The following MFSD1 variants were observed in gnomAD, a reference collection of about 807,000 sequenced individuals.
MFSD1 encodes lysosomal dipeptide transporter MFSD1.
Under a neutral mutation model 67.1 loss-of-function variants are expected in MFSD1, and 59 were observed. The observed-to-expected ratio is 0.88, with a 90% CI of 0.71 to 1.09. The LOEUF (loss-of-function observed/expected upper bound fraction) is 1.09, where lower values mean the gene tolerates loss of function less well. Ranked by LOEUF, MFSD1 falls within the 50% of genes least tolerant of loss-of-function variation. The pLI, the probability that MFSD1 is intolerant of heterozygous loss-of-function variation, is 0.00. For missense variants in MFSD1, 552 were observed against 566.1 expected, an observed-to-expected ratio of 0.97 and a Z score of 0.25; for synonymous variants, 213 against 200.3, an observed-to-expected ratio of 1.06 and a Z score of -0.54.
Position 158,829,052 on chromosome 3 carries a change from A to G in MFSD1, c.*70A>G. 6.8e-7 allele frequency: 1 copy of G among 1,469,124 alleles called. No individual in the cohort carries two copies. The highest frequency in any genetic ancestry group is 1.3e-5 in the South Asian group (1 of 75,844). 91.0% of individuals were successfully genotyped at this position (1,469,124 alleles called of 1,614,324 possible). ...TGGTTTGAAAACTTCCATTTTTAAA[A>G]ATTTAGAGTTTAGTCATTAGAAAAA... On this transcript the variant is annotated 3_prime_UTR_variant, in exon 16 of 16. Coordinates refer to ENST00000415822, the MANE Select transcript of MFSD1 (RefSeq NM_022736.4).
intron 7 of MFSD1, among the ~76,000 whole-genome samples, chr3:158,815,468 T>G (rs1421397319): frequency 6.6e-6 from 1 of 151,684 alleles, no homozygotes; most frequent in Non-Finnish European, 1.5e-5. Context: ...CATATAGAAT[T>G]GTATCTTTCT....
At position 158,818,512 on chromosome 3, in the gene MFSD1, A is replaced by G. The variant is rs143747506; in HGVS notation, c.653-1137A>G. Among the ~76,000 whole-genome samples the G allele has an allele frequency of 4.6e-3, 693 of 152,016 alleles. 4 individuals carry two copies. Among genetic ancestry groups the G allele is most frequent in the Non-Finnish European group, 5.2e-3 (351 of 67,978 alleles). On this transcript the variant is annotated intron_variant, in intron 7 of 15. Transcript: ENST00000415822. ...ATGTCTACCTGTCTTCCTTTCTCCA[A>G]TCTCCTCCCCAGTCTCTAATTAAAC...
At chr3:158,807,773 A>G (rs1729801318) in intron 5 of MFSD1, among the ~76,000 whole-genome samples, 1 of 152,250 alleles carries the variant, frequency 6.6e-6, no homozygotes, top group Non-Finnish European at 1.5e-5. Context: ...AGAAAAGTAT[A>G]GACCATCGAT....
Position 158,807,473 on chromosome 3 carries a change from G to A in MFSD1, c.440+10G>A. The A allele has an allele frequency of 1.3e-6, 2 of 1,590,254 alleles. No homozygotes were observed. The highest frequency in any genetic ancestry group is 1.7e-6 in the Non-Finnish European group (2 of 1,159,036). The stretch of plus-strand genomic sequence containing the variant: ...GAAGATTTGTATTTGGGTAAGTTAT[G>A]CATAATTTAATTTATCCTAATGTAT... On this transcript the variant is annotated intron_variant, in intron 5 of 15. Transcript: ENST00000415822.
chr3:158,814,000 G>A lies in MFSD1; in HGVS notation c.585G>A (p.Leu195=), dbSNP rs1347104192. The A allele has an allele frequency of 6.2e-7, 1 of 1,613,432 alleles. No homozygotes were observed. Among genetic ancestry groups the A allele is most frequent in the African/African-American group, 1.3e-5 (1 of 74,840 alleles). Residue 195 remains leucine, a synonymous_variant, in exon 7 of 16, where the codon CTG becomes CTA. Transcript: ENST00000415822. ...TAAACATGAACCTCATGGGATGGCT[G>A]TATTCTAAGATTGAAGCTTTGTTAG... ...STVNMNLMGW[L]YSKIEALLGS...
chr3:158,811,328 G>A (rs12493280), intron 6 of MFSD1, among the ~76,000 whole-genome samples: 49,912 of 152,060 alleles, frequency 0.33, 8,262 homozygotes, highest in Middle Eastern at 0.41. Context: ...GGTTTTGGTC[G>A]TGTTAGGTTA....
At chr3:158,802,706 T>C (rs1729520504) in intron 1 of MFSD1, 2 of 394,582 alleles carry the variant, frequency 5.1e-6, no homozygotes, top group Non-Finnish European at 9.9e-6. Flanking sequence ...CTTTTGTTTG[T>C]TTGGTTTTAG....
At position 158,812,741 on chromosome 3, in the gene MFSD1, A is replaced by G. The variant is rs199539525; in HGVS notation, c.550-1224A>G. On this transcript the variant is annotated intron_variant, in intron 6 of 15. Transcript: ENST00000415822. ...ATGCCACTTCTATACTCAAACCCCAATGGCTTCCCATCTCACACAGAATAA... is the reference window on the plus strand; with the variant it reads ...ATGCCACTTCTATACTCAAACCCCAGTGGCTTCCCATCTCACACAGAATAA... Among the ~76,000 whole-genome samples the G allele has an allele frequency of 1.5e-4, 23 of 152,210 alleles. No individual in the cohort carries two copies. The East Asian group carries it at 2.3e-3, about 15-fold the overall frequency.
chr3:158,820,091 A>T (rs548065609), intron 8 of MFSD1, 124 bp from the exon 9 acceptor site: 1 of 598,324 alleles, frequency 1.7e-6, no homozygotes, highest in Non-Finnish European at 2.9e-6. Flanking sequence ...TTACTAGAAA[A>T]GTATTTTTTT....
intron 1 of MFSD1, chr3:158,802,617 T>G (rs1576893900): frequency 1.6e-6 from 1 of 643,812 alleles, no homozygotes; most frequent in Non-Finnish European, 2.9e-6. Context: ...GATATGAAGG[T>G]AACTCCAGAT....
intron 7 of MFSD1, among the ~76,000 whole-genome samples, chr3:158,817,115 A>T (rs1052727231): frequency 6.6e-6 from 1 of 152,208 alleles, no homozygotes. Context: ...AATAAGAGCT[A>T]TCTATAGCAA....
rs114662902 is a variant in MFSD1 at position 158,807,533 on chromosome 3, A to T, written c.440+70A>T. 3.8e-3 allele frequency: 4,795 copies of T among 1,266,052 alleles called. 121 individuals are homozygous for T. The African/African-American group carries it at 0.061, about 16-fold the overall frequency. The allele number at this position is 1,266,052 out of a possible 1,614,324, so 78.4% of individuals were successfully genotyped here. The stretch of plus-strand genomic sequence containing the variant: ...AGTGTTCATCTATGAAAGATCTTTA[A>T]AAAACCTTGTCTCTTCTGGGGAATT... On this transcript the variant is annotated intron_variant, in intron 5 of 15. Transcript: ENST00000415822.
intron 9 of MFSD1, among the ~76,000 whole-genome samples, chr3:158,820,931 G>T (rs1163436290): frequency 1.3e-5 from 2 of 152,092 alleles, no homozygotes; most frequent in East Asian, 1.9e-4. Flanking sequence ...AATAATTTTT[G>T]ATTCATAATA....
At chr3:158,822,173 G>A (rs1234196626) in intron 11 of MFSD1, 33 bp downstream of exon 11, 4 of 1,572,930 alleles carry the variant, frequency 2.5e-6, no homozygotes, top group Non-Finnish European at 3.5e-6. Context: ...GTGGGGTCAG[G>A]GCTTCAGCAA....
chr3:158,802,445 C>T (rs1576893660), intron 1 of MFSD1, 130 bp downstream of exon 1: 1 of 1,049,860 alleles, frequency 9.5e-7, no homozygotes, highest in Non-Finnish European at 1.4e-6. Context: ...CCTGGGCCTC[C>T]TTATTTTCCC....
In MFSD1 at chr3:158,823,499, A is replaced by G; in HGVS notation, c.1149A>G (p.Glu383=). 6.2e-7 allele frequency: 1 copy of G among 1,613,028 alleles called. No individual in the cohort carries two copies. Among genetic ancestry groups the G allele is most frequent in the Non-Finnish European group, 8.5e-7 (1 of 1,179,008 alleles). Residue 383 remains glutamate, a synonymous_variant, in exon 12 of 16, where the codon GAA becomes GAG. Coordinates refer to ENST00000415822, the MANE Select transcript of MFSD1 (RefSeq NM_022736.4). ...CAATGGTGGCATTTGTAGTTCCTGA[A>G]CATCAGCTGGGAACTGCATATGGCT... is the stretch of plus-strand genomic sequence containing the variant. ...LWPMVAFVVP[E]HQLGTAYGFM...
intron 7 of MFSD1, among the ~76,000 whole-genome samples, chr3:158,818,110 AC>A (rs1730472877): frequency 6.6e-6 from 1 of 152,086 alleles, no homozygotes; most frequent in South Asian, 2.1e-4. Flanking sequence ...GTCTAACTGA[AC>A]CCTGTGGTGT....
chr3:158,824,220 C>A lies in MFSD1; in HGVS notation c.1272C>A (p.Phe424Leu), dbSNP rs958946807. 6.2e-7 allele frequency: 1 copy of A among 1,608,482 alleles called. No individual in the cohort carries two copies. The highest frequency in any genetic ancestry group is 1.1e-5 in the South Asian group (1 of 90,920). The change falls in exon 13 of 16, where the codon TTC (phenylalanine) becomes TTA (leucine). Residue 424 changes from phenylalanine to leucine, a missense_variant. Phe to Leu is a conservative substitution (Grantham distance 22). Transcript: ENST00000415822. ...GGTATTTGTTTTTGGAAGTGTTCTT[C>A]ATTGCCTGTGTTTCTTGTGAGTATT... is the stretch of plus-strand genomic sequence containing the variant. ...SRGYLFLEVFFIACVSLSLLS... is the reference protein window; with the variant it reads ...SRGYLFLEVFLIACVSLSLLS...
intron 6 of MFSD1, among the ~76,000 whole-genome samples, chr3:158,811,243 G>C (rs532572113): frequency 2.0e-5 from 3 of 152,298 alleles, no homozygotes; most frequent in South Asian, 4.1e-4. Flanking sequence ...CTGTAACCTA[G>C]CTCTTGATAC....
Sources: gnomAD v4.1 joint callset for allele counts (sites outside exome capture counted in the v4.1 genomes callset) on GRCh38, gnomAD v4.1.1 for gene constraint, MANE v1.5 for transcripts, NCBI Gene and HGNC (gene_info 2026-07-23, HGNC 2026-07-21) for gene names.